Variants in ANO3 observed in about 807,000 individuals in gnomAD.
ANO3 encodes anoctamin-3.
Under a neutral mutation model 144.8 loss-of-function variants are expected in ANO3, and 99 were observed. The ratio of observed to expected loss-of-function variants is 0.68; its 90% CI spans 0.58 to 0.81. The LOEUF (loss-of-function observed/expected upper bound fraction) is 0.81. Ranked by LOEUF, ANO3 falls within the 30% of genes least tolerant of loss-of-function variation. The pLI, the probability that ANO3 is intolerant of heterozygous loss-of-function variation, is 0.00. For missense variants in ANO3, 905 were observed against 1,202.2 expected, an observed-to-expected ratio of 0.75 and a Z score of 3.66; for synonymous variants, 414 against 392.6, an observed-to-expected ratio of 1.05 and a Z score of -0.64.
chr11:26,367,578 C>T (rs1856127033), intron 1 of ANO3, among the ~76,000 whole-genome samples: 1 of 152,086 alleles, frequency 6.6e-6, no homozygotes, highest in Non-Finnish European at 1.5e-5. Context: ...TCTACATGTT[C>T]AGCTATCTTT....
chr11:26,582,138 C>T lies in ANO3; in HGVS notation c.1448-16227C>T, dbSNP rs573341190. On this transcript the variant is annotated intron_variant, in intron 14 of 26. Coordinates refer to ENST00000256737, the MANE Select transcript of ANO3 (RefSeq NM_031418.4). ...TGCACCTTTCAAACCCAGAACATCCCTACTCTAATCCATGGTCTTTGTTCA... is the reference window on the plus strand; with the variant it reads ...TGCACCTTTCAAACCCAGAACATCCTTACTCTAATCCATGGTCTTTGTTCA... 3.9e-5 allele frequency among the ~76,000 whole-genome samples: 6 copies of T among 152,314 alleles called. No individual in the cohort carries two copies. In the East Asian group the frequency reaches 1.2e-3, roughly 29 times the overall value.
At chr11:26,483,225 A>G (rs945619435) in intron 4 of ANO3, among the ~76,000 whole-genome samples, 2 of 151,878 alleles carry the variant, frequency 1.3e-5, no homozygotes, top group Admixed American at 1.3e-4. Context: ...ATTCTCACCA[A>G]CATCTGTTAT....
chr11:26,321,209 C>T (rs1394742139), intron 1 of ANO3, among the ~76,000 whole-genome samples: 1 of 151,970 alleles, frequency 6.6e-6, no homozygotes, highest in Non-Finnish European at 1.5e-5. Flanking sequence ...GATCCCTCCC[C>T]AATAAAAGGA....
chr11:26,215,535 C>T (rs111574673), intron 1 of ANO3, among the ~76,000 whole-genome samples: 42 of 151,890 alleles, frequency 2.8e-4, no homozygotes, highest in African/African-American at 6.8e-4. Flanking sequence ...TTTTCTTCCC[C>T]GATCCACAAT....
intron 1 of ANO3, among the ~76,000 whole-genome samples, chr11:26,246,018 T>G (rs781493618): frequency 6.6e-6 from 1 of 152,150 alleles, no homozygotes; most frequent in African/African-American, 2.4e-5. Flanking sequence ...CTTTGATGAG[T>G]GCAGACTTTG....
At chr11:26,375,812 A>G (rs1590306301) in intron 1 of ANO3, among the ~76,000 whole-genome samples, 3 of 152,174 alleles carry the variant, frequency 2.0e-5, no homozygotes, top group South Asian at 2.1e-4. Flanking sequence ...AGAGAAGATA[A>G]TATCATTCCC....
chr11:26,639,355 A>T, intron 21 of ANO3, 114 bp downstream of exon 21: 1 of 718,470 alleles, frequency 1.4e-6, no homozygotes, highest in South Asian at 1.6e-5. Flanking sequence ...TGATGGCTCA[A>T]TTCCTGTTCT....
At chr11:26,653,304 T>A (rs1187984998) in intron 24 of ANO3, among the ~76,000 whole-genome samples, 1 of 152,116 alleles carries the variant, frequency 6.6e-6, no homozygotes, top group East Asian at 1.9e-4. Flanking sequence ...ATTTCATATT[T>A]ATAGTGGCTC....
At chr11:26,601,381 T>G (rs1386438364) in intron 17 of ANO3, among the ~76,000 whole-genome samples, 1 of 152,202 alleles carries the variant, frequency 6.6e-6, no homozygotes, top group Non-Finnish European at 1.5e-5. Context: ...AAATGAGTAC[T>G]CATTATTATG....
chr11:26,373,488 A>G (rs535991703), intron 1 of ANO3, among the ~76,000 whole-genome samples: 4 of 152,170 alleles, frequency 2.6e-5, no homozygotes, highest in Non-Finnish European at 5.9e-5. Context: ...CTGTGTGTCA[A>G]TTAAACTGCT....
At chr11:26,309,573 A>G (rs1283639742), upstream of ANO3, 4 of 764,350 alleles carry the variant, frequency 5.2e-6, no homozygotes, top group Non-Finnish European at 6.4e-6. Context: ...TTCCATGATA[A>G]TTTTCTACTC....
chr11:26,330,870 T>G (rs1855020700), upstream of ANO3, among the ~76,000 whole-genome samples: 1 of 152,228 alleles, frequency 6.6e-6, no homozygotes, highest in Admixed American at 6.5e-5. Context: ...TGCATATTTT[T>G]TATCTGCTTT....
At chr11:26,491,312 A>G (rs1860698503) in intron 4 of ANO3, among the ~76,000 whole-genome samples, 1 of 152,228 alleles carries the variant, frequency 6.6e-6, no homozygotes, top group Non-Finnish European at 1.5e-5. Context: ...TCTAGCCTGT[A>G]TACACCAGCC....
At chr11:26,534,690 C>T (rs1849460166) in intron 9 of ANO3, 128 bp downstream of exon 9, 1 of 592,858 alleles carries the variant, frequency 1.7e-6, no homozygotes, top group Non-Finnish European at 2.9e-6. Context: ...ATTGAACACA[C>T]ACTCTATAAG....
At chr11:26,544,702 A>G (rs1849743220) in intron 11 of ANO3, among the ~76,000 whole-genome samples, 1 of 122,996 alleles carries the variant, frequency 8.1e-6, no homozygotes, top group African/African-American at 2.9e-5. Context: ...TGCAATAAAT[A>G]TGTACAATTT....
At chr11:26,599,805 A>G (rs968822588) in intron 17 of ANO3, 91 bp downstream of exon 17, 2 of 1,199,070 alleles carry the variant, frequency 1.7e-6, no homozygotes, top group African/African-American at 1.5e-5. Context: ...ATGTATTTAC[A>G]TGGAGCCAAA....
At chr11:26,240,020 G>A (rs1019548825) in intron 1 of ANO3, among the ~76,000 whole-genome samples, 3 of 152,030 alleles carry the variant, frequency 2.0e-5, no homozygotes, top group Admixed American at 2.0e-4. Flanking sequence ...TGTAAGATGT[G>A]GATCTCATTT....
intron 4 of ANO3, among the ~76,000 whole-genome samples, chr11:26,479,853 C>T (rs1330231502): frequency 6.6e-6 from 1 of 152,160 alleles, no homozygotes; most frequent in African/African-American, 2.4e-5. Flanking sequence ...GAACTGTTAT[C>T]TTTAGCAGTG....
chr11:26,636,239 A>T (rs892092079), intron 20 of ANO3, among the ~76,000 whole-genome samples: 1 of 152,140 alleles, frequency 6.6e-6, no homozygotes, highest in African/African-American at 2.4e-5. Context: ...TCCCAGTAAT[A>T]CTGGTGATTG....
Sources: gnomAD v4.1 joint callset for allele counts (sites outside exome capture counted in the v4.1 genomes callset) on GRCh38, gnomAD v4.1.1 for gene constraint, MANE v1.5 for transcripts, NCBI Gene and HGNC (gene_info 2026-07-23, HGNC 2026-07-21) for gene names.